Variants in LRCH3 observed in about 807,000 individuals in gnomAD.
The protein encoded by LRCH3 is DISP complex protein LRCH3.
LRCH3 carries 68 observed loss-of-function variants against 104.5 expected under a neutral mutation model. The ratio of observed to expected loss-of-function variants is 0.65; its 90% confidence interval spans 0.54 to 0.80. The LOEUF (loss-of-function observed/expected upper bound fraction) is 0.80, where lower values mean the gene tolerates loss of function less well. LRCH3 is among the 30% of genes least tolerant of loss of function. LRCH3 has a pLI of 0.00. For synonymous variants in LRCH3, 344 were observed against 361.3 expected (o/e 0.95, Z 0.54); for missense variants, 951 against 953.9 (o/e 1.00, Z 0.04).
At chr3:197,875,129 C>T (rs759496047) in intron 19 of LRCH3, among the ~76,000 whole-genome samples, 2 of 152,060 alleles carry the variant, frequency 1.3e-5, no homozygotes, top group Non-Finnish European at 2.9e-5. Flanking sequence ...CGGGGTTTCT[C>T]CATGTTCGTC....
At chr3:197,837,183 C>G (rs114312884) in intron 9 of LRCH3, among the ~76,000 whole-genome samples, 66 of 152,248 alleles carry the variant, frequency 4.3e-4, no homozygotes, top group African/African-American at 1.3e-3. Flanking sequence ...CAAGGGGCAA[C>G]TAACTATTTT....
intron 10 of LRCH3, among the ~76,000 whole-genome samples, chr3:197,840,306 C>T (rs1737606782): frequency 6.6e-6 from 1 of 152,068 alleles, no homozygotes; most frequent in African/African-American, 2.4e-5. Context: ...GGTGTGGTGG[C>T]ACACGCCTGT....
chr3:197,818,009 G>T (rs1734049450), intron 3 of LRCH3, among the ~76,000 whole-genome samples: 1 of 152,156 alleles, frequency 6.6e-6, no homozygotes. Context: ...TTTTAGTAGA[G>T]ACAGGGTTTC....
In LRCH3 at chr3:197,857,265, GGCT is replaced by G. The variant is rs1740381055; in HGVS notation, c.1645-1568_1645-1566del. Among the ~76,000 whole-genome samples the G allele has an allele frequency of 5.3e-5, 8 of 150,944 alleles. 1 individual carries two copies. The highest frequency in any genetic ancestry group is 3.9e-4 in the East Asian group (2 of 5,108). ...ATCAGTTACACTGACATTCTCTTCCGGCTACCCCTCAAGCTCCTGTTAATATCA... is the reference window on the plus strand; with the variant it reads ...ATCAGTTACACTGACATTCTCTTCCGACCCCTCAAGCTCCTGTTAATATCA... On this transcript the variant is annotated intron_variant, in intron 14 of 20. Coordinates refer to ENST00000425562, the MANE Select transcript of LRCH3 (RefSeq NM_001365715.1).
At chr3:197,822,651 G>A (rs1560541755) in intron 4 of LRCH3, among the ~76,000 whole-genome samples, 3 of 152,078 alleles carry the variant, frequency 2.0e-5, no homozygotes, top group Admixed American at 2.0e-4. Flanking sequence ...AGCTACATTC[G>A]TTCGTGTGGA....
At chr3:197,836,746 C>T (rs112416253) in intron 9 of LRCH3, among the ~76,000 whole-genome samples, 2,566 of 152,316 alleles carry the variant, frequency 0.017, 31 homozygotes, top group Non-Finnish European at 0.022. Flanking sequence ...GGCACGATCT[C>T]GGCTTACTGC....
chr3:197,826,085 T>C lies in LRCH3; in HGVS notation c.641-793T>C, dbSNP rs541384145. 2.0e-5 allele frequency among the ~76,000 whole-genome samples: 3 copies of C among 152,324 alleles called. No individual in the cohort carries two copies. In the South Asian group the frequency reaches 6.2e-4, roughly 32 times the overall value. On this transcript the variant is annotated intron_variant, in intron 4 of 20. Coordinates refer to ENST00000425562, the MANE Select transcript of LRCH3 (RefSeq NM_001365715.1). ...TTGATGTTGGAGATGTCTAAATGTC[T>C]GTGGATCATATACTATCTTTATATG...
chr3:197,848,012 C>G lies in LRCH3; in HGVS notation c.1521C>G (p.Asp507Glu). ...TKQIQRDAVL[D>E]FVKQKASQSP... ...AGATCCAGAGAGATGCTGTCCTGGACTTTGTCAAAGTGAGTCGTTTGAATG... is the reference window on the plus strand; with the variant it reads ...AGATCCAGAGAGATGCTGTCCTGGAGTTTGTCAAAGTGAGTCGTTTGAATG... Residue 507 changes from aspartate to glutamate, a missense_variant, in exon 12 of 21, where the codon GAC (aspartate) becomes GAG (glutamate). Asp to Glu is a conservative substitution (Grantham distance 45, BLOSUM62 2). Coordinates refer to ENST00000425562, the MANE Select transcript of LRCH3 (RefSeq NM_001365715.1). 6.2e-7 allele frequency: 1 copy of G among 1,614,036 alleles called. No individual in the cohort carries two copies. Among genetic ancestry groups the G allele is most frequent in the Non-Finnish European group, 8.5e-7 (1 of 1,179,974 alleles).
At chr3:197,870,102 G>A (rs1012847387) in intron 17 of LRCH3, 58 bp from the exon 18 acceptor site, 97 of 1,570,150 alleles carry the variant, frequency 6.2e-5, no homozygotes, top group South Asian at 7.9e-5. Context: ...AGGCAGAGCC[G>A]GATGTTCTCC....
intron 8 of LRCH3, 121 bp downstream of exon 8, chr3:197,832,438 C>T (rs1426130220): frequency 2.1e-6 from 2 of 931,850 alleles, no homozygotes; most frequent in South Asian, 2.2e-5. Flanking sequence ...CTTTTAAAGA[C>T]TTCTTTTCAT....
At chr3:197,871,576 C>T in intron 19 of LRCH3, 114 bp downstream of exon 19, 1 of 1,372,442 alleles carries the variant, frequency 7.3e-7, no homozygotes, top group South Asian at 1.4e-5. Flanking sequence ...ATAAAGAGTC[C>T]AGTCTCTACC....
intron 5 of LRCH3, among the ~76,000 whole-genome samples, chr3:197,827,703 G>A (rs970045565): frequency 6.6e-6 from 1 of 151,754 alleles, no homozygotes; most frequent in South Asian, 2.1e-4. Flanking sequence ...TAAAATTTTA[G>A]TTAATTTCTT....
intron 17 of LRCH3, 108 bp downstream of exon 17, chr3:197,866,327 A>G (rs552460243): frequency 3.9e-5 from 28 of 723,690 alleles, no homozygotes; most frequent in South Asian, 2.1e-4. Flanking sequence ...AGACAAAGCT[A>G]TCAGCTCGGC....
intron 1 of LRCH3, among the ~76,000 whole-genome samples, chr3:197,802,020 G>A (rs772996994): frequency 9.9e-5 from 15 of 152,112 alleles, no homozygotes; most frequent in Non-Finnish European, 2.1e-4. Context: ...CTTACAACAT[G>A]GCCCCCTCCA....
intron 10 of LRCH3, among the ~76,000 whole-genome samples, chr3:197,843,944 G>T (rs985965922): frequency 1.3e-5 from 2 of 152,156 alleles, no homozygotes; most frequent in Non-Finnish European, 2.9e-5. Flanking sequence ...TATGTAACAA[G>T]CATGTTTCAG....
chr3:197,867,089 A>G (rs909059271), intron 17 of LRCH3, among the ~76,000 whole-genome samples: 1 of 152,196 alleles, frequency 6.6e-6, no homozygotes, highest in Non-Finnish European at 1.5e-5. Context: ...AGCCTGGCCA[A>G]CATGGCGAAA....
In LRCH3 at chr3:197,839,366, G is replaced by A. The variant is rs774741679; in HGVS notation, c.1297G>A (p.Glu433Lys). 1 of 1,594,020 alleles carries A rather than the reference G, an allele frequency of 6.3e-7. No individual in the cohort carries two copies. The highest frequency in any genetic ancestry group is 8.5e-7 in the Non-Finnish European group (1 of 1,172,918). Reference protein sequence around the residue: ...PVAIREFQKTEDMRRYLHQNR... With the variant: ...PVAIREFQKTKDMRRYLHQNR... Reference sequence around the variant, plus strand: ...AGCCATTAGGGAGTTTCAAAAAACAGAAGATATGAGAAGATATTTACATCA... The same window carrying A: ...AGCCATTAGGGAGTTTCAAAAAACAAAAGATATGAGAAGATATTTACATCA... The change falls in exon 10 of 21, where the codon GAA (glutamate) becomes AAA (lysine). Residue 433 changes from glutamate (E) to lysine (K), a missense_variant. Physicochemically the swap from Glu to Lys is moderately conservative, Grantham distance 56 (BLOSUM62 1). Transcript: ENST00000425562.
intron 19 of LRCH3, among the ~76,000 whole-genome samples, chr3:197,874,263 A>G (rs1441195720): frequency 6.6e-6 from 1 of 152,046 alleles, no homozygotes; most frequent in African/African-American, 2.4e-5. Context: ...GCCACTCCCC[A>G]TTACTCACAT....
intron 1 of LRCH3, among the ~76,000 whole-genome samples, chr3:197,814,216 T>C (rs1259072118): frequency 6.6e-6 from 1 of 152,128 alleles, no homozygotes; most frequent in Non-Finnish European, 1.5e-5. Context: ...AGGCACTTAC[T>C]TACACGGCAG....
Sources: gnomAD v4.1 joint callset for allele counts (sites outside exome capture counted in the v4.1 genomes callset) on GRCh38, gnomAD v4.1.1 for gene constraint, MANE v1.5 for transcripts, NCBI Gene and HGNC (gene_info 2026-07-23, HGNC 2026-07-21) for gene names.